CAMK1D: variants seen among roughly 807,000 people sequenced by gnomAD.
CAMK1D encodes calcium/calmodulin dependent protein kinase ID, also known as calcium/calmodulin-dependent protein kinase type 1D.
In CAMK1D, 9 loss-of-function variants were observed where a neutral mutation model predicts 47.7. The observed-to-expected ratio is 0.19, with a 90% CI of 0.11 to 0.33. The LOEUF (loss-of-function observed/expected upper bound fraction) is 0.33, where lower values mean the gene tolerates loss of function less well. CAMK1D is among the 10% of genes least tolerant of loss of function. The pLI is 1.00. For missense variants in CAMK1D, 291 were observed against 488.7 expected (o/e 0.60, Z 3.81); for synonymous variants, 184 against 184.9 (o/e 0.99, Z 0.04).
chr10:12,713,521 G>A (rs1387706896), intron 3 of CAMK1D, among the ~76,000 whole-genome samples: 1 of 152,194 alleles, frequency 6.6e-6, no homozygotes, highest in Non-Finnish European at 1.5e-5. Flanking sequence ...TTGTTCACTG[G>A]TGGCTTATTG....
At chr10:12,711,110 C>T (rs1302065458) in intron 3 of CAMK1D, among the ~76,000 whole-genome samples, 1 of 152,206 alleles carries the variant, frequency 6.6e-6, no homozygotes, top group African/African-American at 2.4e-5. Context: ...TTAATTTCAG[C>T]TTAATCAAGT....
At chr10:12,497,734 G>A (rs1347683962) in intron 1 of CAMK1D, among the ~76,000 whole-genome samples, 1 of 151,690 alleles carries the variant, frequency 6.6e-6, no homozygotes, top group Non-Finnish European at 1.5e-5. Flanking sequence ...CAGCAAGAAA[G>A]TGCAAATTAG....
intron 1 of CAMK1D, among the ~76,000 whole-genome samples, chr10:12,551,991 A>G (rs1266736766): frequency 6.6e-6 from 1 of 152,168 alleles, no homozygotes; most frequent in Non-Finnish European, 1.5e-5. Flanking sequence ...TGGCACAGAG[A>G]ACGACTCAGT....
intron 1 of CAMK1D, among the ~76,000 whole-genome samples, chr10:12,491,307 C>T (rs1473278531): frequency 1.3e-5 from 2 of 152,116 alleles, no homozygotes; most frequent in Non-Finnish European, 2.9e-5. Flanking sequence ...ATGTGGTGGT[C>T]TTCACACCAG....
At chr10:12,765,681 C>A (rs530729268) in intron 4 of CAMK1D, among the ~76,000 whole-genome samples, 5 of 152,292 alleles carry the variant, frequency 3.3e-5, no homozygotes, top group African/African-American at 9.6e-5. Flanking sequence ...ATCAAGGATG[C>A]AGACACACAA....
intron 1 of CAMK1D, among the ~76,000 whole-genome samples, chr10:12,430,227 C>T (rs1840396569): frequency 6.6e-6 from 1 of 152,144 alleles, no homozygotes; most frequent in Non-Finnish European, 1.5e-5. Flanking sequence ...CCCCTGTTGA[C>T]CTTTGCATGC....
intron 2 of CAMK1D, among the ~76,000 whole-genome samples, chr10:12,664,558 CTG>C (rs1564476203): frequency 6.6e-6 from 1 of 152,206 alleles, no homozygotes; most frequent in Non-Finnish European, 1.5e-5. Context: ...TGACTGGACT[CTG>C]GGGCTCAGAC....
intron 7 of CAMK1D, 102 bp from the exon 8 acceptor site, chr10:12,816,148 T>G: frequency 2.3e-6 from 2 of 858,596 alleles, no homozygotes; most frequent in South Asian, 3.2e-5. Context: ...TGGTCTCATA[T>G]TTTTCATGCT....
chr10:12,767,933 C>T (rs888856712), intron 4 of CAMK1D, among the ~76,000 whole-genome samples: 2 of 152,138 alleles, frequency 1.3e-5, no homozygotes, highest in Admixed American at 6.5e-5. Flanking sequence ...AGTGCAATGG[C>T]GCGATCTTGG....
At chr10:12,786,252 A>C (rs576204965) in intron 5 of CAMK1D, among the ~76,000 whole-genome samples, 1 of 152,154 alleles carries the variant, frequency 6.6e-6, no homozygotes, top group Non-Finnish European at 1.5e-5. Flanking sequence ...TGTCACTTCT[A>C]TATTCACCCT....
intron 10 of CAMK1D, among the ~76,000 whole-genome samples, chr10:12,827,480 TTC>T (rs747828057): frequency 0.028 from 200 of 7,136 alleles, 49 homozygotes; most frequent in Middle Eastern, 0.071. Context: ...CTGTCTTTCT[TTC>T]TTTCTTTCTT....
rs542390353 is a variant in CAMK1D, at chr10:12,428,145, T to C, written c.92+78235T>C. Among the ~76,000 whole-genome samples, 6 of 152,220 alleles carry C rather than the reference T, an allele frequency of 3.9e-5. 1 individual carries two copies. Among genetic ancestry groups the C allele is most frequent in the Admixed American group, 3.9e-4 (6 of 15,290 alleles). On this transcript the variant is annotated intron_variant, in intron 1 of 10. Coordinates refer to ENST00000619168, the MANE Select transcript of CAMK1D (RefSeq NM_153498.4). ...CAATCAACCCGTCATCTGCATTAGG[T>C]ATATCTCCTAATGCTATCCCTCCCC...
chr10:12,804,937 C>CAAAAAAAAAAAAAAAAAAA (rs145584740), intron 6 of CAMK1D, among the ~76,000 whole-genome samples: 1 of 51,054 alleles, frequency 2.0e-5, no homozygotes, highest in Non-Finnish European at 3.2e-5. Flanking sequence ...GACCCTGTCT[C>CAAAAAAAAAAAAAAAAAAA]AAAAAAAAAA....
intron 3 of CAMK1D, among the ~76,000 whole-genome samples, chr10:12,701,722 A>G (rs890776175): frequency 3.9e-5 from 6 of 152,230 alleles, no homozygotes; most frequent in Admixed American, 2.0e-4. Context: ...TTCTCCAAAC[A>G]TACTCATTTG....
At chr10:12,740,807 T>C (rs781047438) in intron 3 of CAMK1D, among the ~76,000 whole-genome samples, 4 of 152,188 alleles carry the variant, frequency 2.6e-5, no homozygotes, top group Middle Eastern at 3.2e-3. Context: ...TAGTACTGGG[T>C]ACTGAGTTGA....
intron 3 of CAMK1D, among the ~76,000 whole-genome samples, chr10:12,704,735 A>T (rs1414252497): frequency 6.6e-6 from 1 of 152,198 alleles, no homozygotes; most frequent in Non-Finnish European, 1.5e-5. Flanking sequence ...GATGGCAAAC[A>T]TTGTGGTTTC....
intron 1 of CAMK1D, among the ~76,000 whole-genome samples, chr10:12,451,822 G>A (rs187095789): frequency 1.1e-3 from 170 of 152,124 alleles, no homozygotes; most frequent in Middle Eastern, 3.4e-3. Context: ...AGTGGGACAG[G>A]GAGCTAAGGC....
chr10:12,396,486 T>A (rs1234227608), intron 1 of CAMK1D, among the ~76,000 whole-genome samples: 1 of 152,176 alleles, frequency 6.6e-6, no homozygotes, highest in African/African-American at 2.4e-5. Flanking sequence ...TTAACCCCCT[T>A]TTTGCCATAT....
At position 12,575,141 on chromosome 10, in the gene CAMK1D, G is replaced by A. The variant is rs1267591085; in HGVS notation, c.224+21785G>A. On this transcript the variant is annotated intron_variant, in intron 2 of 10. Transcript: ENST00000619168. ...GGAGTCTCACTCTGTTGCCCAGGCT[G>A]TAGCGTAGTGGCACGATCTTGGCTC... 5.3e-5 allele frequency among the ~76,000 whole-genome samples: 8 copies of A among 152,162 alleles called. No homozygotes were observed. In the East Asian group the frequency reaches 1.5e-3, roughly 29 times the overall value.
Sources: allele counts gnomAD v4.1 joint callset (sites outside exome capture counted in the v4.1 genomes callset), GRCh38; gene constraint gnomAD v4.1.1; transcripts MANE v1.5; gene names NCBI Gene and HGNC (gene_info 2026-07-23, HGNC 2026-07-21).